SLC24A2: variants seen among roughly 807,000 people sequenced by gnomAD.
The protein encoded by SLC24A2 is sodium/potassium/calcium exchanger 2.
In SLC24A2, 36 loss-of-function variants were observed where a neutral mutation model predicts 62.0. That is an observed-to-expected ratio of 0.58 (90% CI 0.44 to 0.77). The LOEUF is 0.77. Ranked by LOEUF, SLC24A2 falls within the 30% of genes least tolerant of loss-of-function variation. SLC24A2 has a pLI of 0.00. For synonymous variants in SLC24A2, 358 were observed against 294.0 expected (o/e 1.22, Z -2.23); for missense variants, 846 against 817.9 (o/e 1.03, Z -0.42).
intron 2 of SLC24A2, among the ~76,000 whole-genome samples, chr9:19,720,836 G>GGTGT (rs1821004369): frequency 1.1e-4 from 12 of 111,702 alleles, no homozygotes; most frequent in Non-Finnish European, 1.8e-5. Context: ...TATGTGGAAT[G>GGTGT]ATGTGTGTGT....
intron 10 of SLC24A2, 22 bp from the exon 11 acceptor site, chr9:19,516,424 C>A: frequency 6.2e-7 from 1 of 1,612,342 alleles, no homozygotes; most frequent in Non-Finnish European, 8.5e-7. Flanking sequence ...TGAAGCAGGG[C>A]AGAGGGGAGT....
chr9:19,897,788 C>T, the SLC24A2 span, among the ~76,000 whole-genome samples: 7 of 151,558 alleles, frequency 4.6e-5, no homozygotes, highest in Non-Finnish European at 7.3e-5. Context: ...CATCCTACAG[C>T]TACAAGGGAC....
intron 2 of SLC24A2, among the ~76,000 whole-genome samples, chr9:19,680,630 A>C (rs185547205): frequency 7.7e-6 from 1 of 130,504 alleles, no homozygotes; most frequent in African/African-American, 2.5e-5. Flanking sequence ...ATTCATAGCT[A>C]ACTTTATGAA....
At chr9:20,164,608 A>C in the SLC24A2 span, among the ~76,000 whole-genome samples, 1 of 151,392 alleles carries the variant, frequency 6.6e-6, no homozygotes, top group South Asian at 2.1e-4. Flanking sequence ...TAGAAATACC[A>C]TTTGACCCAG....
At chr9:19,993,409 C>T in the SLC24A2 span, among the ~76,000 whole-genome samples, 71,289 of 152,010 alleles carry the variant, frequency 0.47, 17,647 homozygotes, top group Non-Finnish European at 0.55. Context: ...CTCTAAACCA[C>T]AAGAAAATGG....
At chr9:19,587,121 G>A (rs1435397165) in intron 5 of SLC24A2, among the ~76,000 whole-genome samples, 2 of 152,136 alleles carry the variant, frequency 1.3e-5, no homozygotes, top group Admixed American at 6.5e-5. Flanking sequence ...CTGCAAGTGG[G>A]TTGTGACATT....
At chr9:19,549,243 G>C (rs899798735) in intron 8 of SLC24A2, among the ~76,000 whole-genome samples, 1 of 152,202 alleles carries the variant, frequency 6.6e-6, no homozygotes, top group East Asian at 1.9e-4. Context: ...CAGACCTTCA[G>C]TTGCCCTTCT....
At chr9:20,298,616 C>A in the SLC24A2 span, among the ~76,000 whole-genome samples, 1 of 152,256 alleles carries the variant, frequency 6.6e-6, no homozygotes, top group Non-Finnish European at 1.5e-5. Context: ...TGTTCTATCT[C>A]AAATCATCAT....
intron 2 of SLC24A2, among the ~76,000 whole-genome samples, chr9:19,777,635 T>C (rs1489180885): frequency 6.6e-6 from 1 of 152,124 alleles, no homozygotes; most frequent in Non-Finnish European, 1.5e-5. Context: ...ATTGTATATA[T>C]TCAATATGGT....
chr9:20,004,403 T>G, the SLC24A2 span, among the ~76,000 whole-genome samples: 1 of 151,894 alleles, frequency 6.6e-6, no homozygotes, highest in South Asian at 2.1e-4. Context: ...GTGGGAAGAG[T>G]GGGGAAAGAG....
the SLC24A2 span, among the ~76,000 whole-genome samples, chr9:19,934,442 G>A: frequency 4.6e-5 from 7 of 151,812 alleles, no homozygotes; most frequent in East Asian, 1.4e-3. This position sits in a 1 kb window ranked among gnomAD's most constrained non-coding sequence, Gnocchi z 4.1. Flanking sequence ...GCACCCCCGG[G>A]CTCCCGCGCA....
the SLC24A2 span, among the ~76,000 whole-genome samples, chr9:20,072,803 G>A: frequency 2.0e-5 from 3 of 152,044 alleles, no homozygotes; most frequent in Non-Finnish European, 4.4e-5. Flanking sequence ...AAGAAGGCAA[G>A]GAAACAGATT....
chr9:19,820,058 C>CATATATATATACATAT, the SLC24A2 span, among the ~76,000 whole-genome samples: 3 of 34,644 alleles, frequency 8.7e-5, no homozygotes, highest in South Asian at 9.8e-4. Flanking sequence ...TATATATACA[C>CATATATATATACATAT]ATATATATAT....
At chr9:19,827,565 T>C in the SLC24A2 span, among the ~76,000 whole-genome samples, 1 of 152,162 alleles carries the variant, frequency 6.6e-6, no homozygotes, top group Non-Finnish European at 1.5e-5. Context: ...TACATTTTCA[T>C]ATATTTTTAC....
intron 8 of SLC24A2, among the ~76,000 whole-genome samples, chr9:19,548,291 T>A (rs1382394420): frequency 6.6e-6 from 1 of 152,208 alleles, no homozygotes; most frequent in East Asian, 1.9e-4. Flanking sequence ...TTTTTTCTAC[T>A]TTGTGGCATC....
the SLC24A2 span, among the ~76,000 whole-genome samples, chr9:19,857,577 A>G: frequency 6.6e-6 from 1 of 152,186 alleles, no homozygotes; most frequent in Non-Finnish European, 1.5e-5. Context: ...AATTATGCAC[A>G]TATTTGTTAA....
chr9:20,106,062 A>G, the SLC24A2 span, among the ~76,000 whole-genome samples: 1 of 152,250 alleles, frequency 6.6e-6, no homozygotes, highest in African/African-American at 2.4e-5. Flanking sequence ...AGAGAATACT[A>G]CAAACACCTC....
chr9:20,015,485 A>G, the SLC24A2 span, among the ~76,000 whole-genome samples: 5 of 152,148 alleles, frequency 3.3e-5, no homozygotes, highest in African/African-American at 4.8e-5. Flanking sequence ...ACAGCCTCTG[A>G]CCTTCTGAGA....
intron 7 of SLC24A2, among the ~76,000 whole-genome samples, chr9:19,553,667 T>G (rs919805740): frequency 6.6e-6 from 1 of 152,176 alleles, no homozygotes; most frequent in African/African-American, 2.4e-5. Context: ...TGAGTTCCAG[T>G]GTCTGCTCAG....
Sources: allele counts gnomAD v4.1 joint callset (sites outside exome capture counted in the v4.1 genomes callset), GRCh38; gene constraint gnomAD v4.1.1; non-coding constraint Gnocchi (gnomAD v3.1); transcripts MANE v1.5; gene names NCBI Gene and HGNC (gene_info 2026-07-23, HGNC 2026-07-21).